The following SGCZ variants were observed in gnomAD, a reference collection of about 807,000 sequenced individuals.
SGCZ encodes sarcoglycan zeta.
Under a neutral mutation model 41.3 loss-of-function variants are expected in SGCZ, and 40 were observed. That is an observed-to-expected ratio of 0.97 (90% CI 0.75 to 1.26). SGCZ has a LOEUF of 1.26. Among genes scored for constraint, SGCZ ranks in the 50% most tolerant of loss-of-function variants. The probability of loss-of-function intolerance (pLI) is 0.00; values close to 1 mark genes in which losing one functional copy is unlikely to be tolerated. For missense variants in SGCZ, 552 were observed against 369.8 expected (o/e 1.49, Z -4.04); for synonymous variants, 206 against 137.5 (o/e 1.50, Z -3.49).
intron 1 of SGCZ, among the ~76,000 whole-genome samples, chr8:14,643,556 G>C (rs1302246513): frequency 6.6e-6 from 1 of 151,340 alleles, no homozygotes; most frequent in Non-Finnish European, 1.5e-5. Context: ...AAAAAAAAGA[G>C]AAGCTTAATC....
At chr8:14,101,549 T>C (rs1802021233) in intron 7 of SGCZ, among the ~76,000 whole-genome samples, 1 of 152,086 alleles carries the variant, frequency 6.6e-6, no homozygotes, top group Admixed American at 6.5e-5. Flanking sequence ...GGAGAAAAAA[T>C]AAATGATGTC....
intron 1 of SGCZ, among the ~76,000 whole-genome samples, chr8:14,658,114 G>T (rs1807633088): frequency 6.6e-6 from 1 of 152,150 alleles, no homozygotes. Context: ...GAGCCACTCA[G>T]AGGTGCTCTT....
At chr8:14,804,454 C>A (rs904338816) in intron 1 of SGCZ, among the ~76,000 whole-genome samples, 1 of 134,512 alleles carries the variant, frequency 7.4e-6, no homozygotes, top group Admixed American at 8.0e-5. Context: ...GGAGCCGATG[C>A]GATCAACTGG....
At chr8:14,341,763 G>A (rs1209073650) in intron 2 of SGCZ, among the ~76,000 whole-genome samples, 1 of 152,042 alleles carries the variant, frequency 6.6e-6, no homozygotes, top group African/African-American at 2.4e-5. Flanking sequence ...GGTTTAATCG[G>A]GGGTTTTCAC....
chr8:14,735,513 G>T (rs1406810140), intron 1 of SGCZ, among the ~76,000 whole-genome samples: 1 of 152,130 alleles, frequency 6.6e-6, no homozygotes, highest in Admixed American at 6.6e-5. Flanking sequence ...TTACACTAGT[G>T]GTTTGCTGGG....
In SGCZ at chr8:14,155,179, C is replaced by G. The variant is rs985570312; in HGVS notation, c.547+9401G>C. Among the ~76,000 whole-genome samples the G allele has an allele frequency of 2.6e-5, 4 of 152,194 alleles. No individual in the cohort carries two copies. In the East Asian group the frequency reaches 7.7e-4, roughly 29 times the overall value. On this transcript the variant is annotated intron_variant, in intron 5 of 7. Transcript: ENST00000382080. Reference sequence around the variant, plus strand: ...AATGTCCAGTTTCCTTCAACAGTTTCTCAATTTTTCCTTGATTCCTGACCT... The same window carrying G: ...AATGTCCAGTTTCCTTCAACAGTTTGTCAATTTTTCCTTGATTCCTGACCT...
chr8:15,052,340 G>A (rs1426688638), intron 1 of SGCZ, among the ~76,000 whole-genome samples: 3 of 152,162 alleles, frequency 2.0e-5, no homozygotes, highest in Non-Finnish European at 4.4e-5. Context: ...GGAGATAAGG[G>A]CATTTGCTGA....
Position 14,791,155 on chromosome 8 carries a change from TA to T in SGCZ, c.40-236230del, listed in dbSNP as rs547563296. On this transcript the variant is annotated intron_variant, in intron 1 of 7. Coordinates refer to ENST00000382080, the MANE Select transcript of SGCZ (RefSeq NM_139167.4). Reference sequence around the variant, plus strand: ...TTATTTTAATATTCTATACTTCCTATAATGTACATGTTAATATTTTAACTAG... The same window carrying T: ...TTATTTTAATATTCTATACTTCCTATATGTACATGTTAATATTTTAACTAG... Among the ~76,000 whole-genome samples the T allele has an allele frequency of 1.1e-4, 17 of 152,278 alleles. No homozygotes were observed. In the East Asian group the frequency reaches 3.3e-3, roughly 29 times the overall value.
chr8:15,035,218 T>C (rs998425842), intron 1 of SGCZ, among the ~76,000 whole-genome samples: 2 of 152,152 alleles, frequency 1.3e-5, no homozygotes, highest in African/African-American at 4.8e-5. Flanking sequence ...TTGAGGGAAG[T>C]TGAAGTAAAA....
At chr8:14,268,699 A>C (rs1799959351) in intron 3 of SGCZ, among the ~76,000 whole-genome samples, 1 of 151,906 alleles carries the variant, frequency 6.6e-6, no homozygotes, top group Admixed American at 6.6e-5. Context: ...TTATTAGAAC[A>C]TGAGAAAATT....
chr8:14,230,772 G>A (rs1055815929), intron 4 of SGCZ, among the ~76,000 whole-genome samples: 2 of 150,332 alleles, frequency 1.3e-5, no homozygotes, highest in African/African-American at 4.9e-5. Flanking sequence ...GTGGTGGGGG[G>A]GTGGTTACTC....
intron 1 of SGCZ, among the ~76,000 whole-genome samples, chr8:15,088,697 C>G (rs1282597051): frequency 2.0e-5 from 3 of 152,116 alleles, no homozygotes; most frequent in African/African-American, 7.2e-5. Flanking sequence ...TCCCCCTGCA[C>G]TTATATAAGC....
chr8:14,867,225 C>G (rs75277458), intron 1 of SGCZ, among the ~76,000 whole-genome samples: 1 of 152,100 alleles, frequency 6.6e-6, no homozygotes, highest in South Asian at 2.1e-4. Flanking sequence ...AATGTTCAAA[C>G]GCCTGAAGTA....
chr8:15,148,264 T>C (rs953512195), intron 1 of SGCZ, among the ~76,000 whole-genome samples: 1 of 152,094 alleles, frequency 6.6e-6, no homozygotes, highest in Non-Finnish European at 1.5e-5. Context: ...ATTGGGGAAA[T>C]AGTAGTTGGG....
chr8:14,163,885 C>A (rs1343217395), intron 5 of SGCZ, among the ~76,000 whole-genome samples: 1 of 152,068 alleles, frequency 6.6e-6, no homozygotes, highest in Non-Finnish European at 1.5e-5. Context: ...AAAATGTAGA[C>A]CTCCTTGGGT....
At chr8:14,225,805 A>C (rs1585251323) in intron 4 of SGCZ, among the ~76,000 whole-genome samples, 1 of 152,110 alleles carries the variant, frequency 6.6e-6, no homozygotes, top group Non-Finnish European at 1.5e-5. Context: ...TTAAGATTGA[A>C]AATGAAATGA....
At chr8:14,267,619 A>G (rs1031289486) in intron 3 of SGCZ, among the ~76,000 whole-genome samples, 3 of 151,902 alleles carry the variant, frequency 2.0e-5, no homozygotes, top group African/African-American at 7.3e-5. Flanking sequence ...TTTTGTTGTC[A>G]CTGTTTTACT....
intron 2 of SGCZ, among the ~76,000 whole-genome samples, chr8:14,532,495 T>C (rs17119700): frequency 0.36 from 54,782 of 151,720 alleles, 10,498 homozygotes; most frequent in East Asian, 0.49. Flanking sequence ...AAACTGGTGT[T>C]TCAGAAGAAG....
At chr8:14,466,344 T>A (rs1801049309) in intron 2 of SGCZ, among the ~76,000 whole-genome samples, 1 of 152,010 alleles carries the variant, frequency 6.6e-6, no homozygotes, top group Non-Finnish European at 1.5e-5. Flanking sequence ...TCTGTAATGT[T>A]ATTGAGCATC....
Sources: allele counts gnomAD v4.1 joint callset (sites outside exome capture counted in the v4.1 genomes callset), GRCh38; gene constraint gnomAD v4.1.1; transcripts MANE v1.5; gene names NCBI Gene and HGNC (gene_info 2026-07-23, HGNC 2026-07-21).